DCAF7: variants seen among roughly 807,000 people sequenced by gnomAD.
The protein encoded by DCAF7 is DDB1- and CUL4-associated factor 7.
A neutral mutation model predicts 41.2 loss-of-function variants in DCAF7; 4 were observed. The ratio of observed to expected loss-of-function variants is 0.10; its 90% CI spans 0.05 to 0.22. The LOEUF (loss-of-function observed/expected upper bound fraction) is 0.22. DCAF7 is among the 10% of genes least tolerant of loss of function. The pLI is 1.00. For synonymous variants in DCAF7, 143 were observed against 164.2 expected (o/e 0.87, Z 0.99); for missense variants, 131 against 443.2 (o/e 0.30, Z 6.32).
At chr17:63,586,756 G>A (rs749988732) in intron 6 of DCAF7, among the ~76,000 whole-genome samples, 4 of 148,790 alleles carry the variant, frequency 2.7e-5, no homozygotes, top group Admixed American at 6.7e-5. Context: ...GTGAGACCCC[G>A]TCTCAAAAAA....
chr17:63,577,622 T>A (rs914210943), intron 1 of DCAF7, among the ~76,000 whole-genome samples: 3 of 152,212 alleles, frequency 2.0e-5, no homozygotes, highest in African/African-American at 7.2e-5. Flanking sequence ...AAACGGTCAT[T>A]TGACATACCT....
At chr17:63,577,522 G>C (rs73994318) in intron 1 of DCAF7, among the ~76,000 whole-genome samples, 2,845 of 152,232 alleles carry the variant, frequency 0.019, 76 homozygotes, top group African/African-American at 0.065. Context: ...GGCTAAAATT[G>C]ACTCTAAGAA....
At chr17:63,559,439 G>GTGTGTGTA (rs1555680864) in intron 1 of DCAF7, among the ~76,000 whole-genome samples, 3,780 of 122,092 alleles carry the variant, frequency 0.031, 324 homozygotes, top group African/African-American at 0.12. Flanking sequence ...ATATGTGTGT[G>GTGTGTGTA]TATATATATA....
chr17:63,592,960 C>A lies in DCAF7; in HGVS notation c.*3788C>A. On this transcript the variant is annotated 3_prime_UTR_variant, in exon 7 of 7. Transcript: ENST00000614556. Reference sequence around the variant, plus strand: ...TTCCACTGTTTCTTCCTGCTGCCACCTGGGCCTTGAATTCCTGGGCTGTGA... The same window carrying A: ...TTCCACTGTTTCTTCCTGCTGCCACATGGGCCTTGAATTCCTGGGCTGTGA... 1 of 153,036 alleles carries A rather than the reference C, an allele frequency of 6.5e-6. No homozygotes were observed. Among genetic ancestry groups the A allele is most frequent in the Non-Finnish European group, 1.5e-5 (1 of 68,666 alleles). The allele number at this position is 153,036 out of a possible 1,614,324, so 9.5% of individuals were successfully genotyped here. A position where few individuals can be genotyped will look rare whatever the true frequency, so the allele number is the denominator to read the frequency against.
rs368191256 is a variant in DCAF7, at chr17:63,589,338, G to A, written c.*166G>A. 4 of 899,390 alleles carry A rather than the reference G, an allele frequency of 4.4e-6. No individual in the cohort carries two copies. Among genetic ancestry groups the A allele is most frequent in the Admixed American group, 4.0e-5 (2 of 50,012 alleles). 55.7% of individuals were successfully genotyped at this position (899,390 alleles called of 1,614,324 possible). The stretch of plus-strand genomic sequence containing the variant: ...GGAGTTCCTGGCCAGTCACCCCATC[G>A]CCCTCTGTGGCAGACTCAGTGCTGT... On this transcript the variant is annotated 3_prime_UTR_variant, in exon 7 of 7. Coordinates refer to ENST00000614556, the MANE Select transcript of DCAF7 (RefSeq NM_005828.5).
intron 1 of DCAF7, among the ~76,000 whole-genome samples, chr17:63,563,885 A>G (rs1157212610): frequency 6.6e-6 from 1 of 152,116 alleles, no homozygotes; most frequent in Non-Finnish European, 1.5e-5. Flanking sequence ...AAAACAGTGT[A>G]CAGCACTGGG....
intron 6 of DCAF7, among the ~76,000 whole-genome samples, chr17:63,586,178 C>T (rs7209494): frequency 6.7e-6 from 1 of 148,404 alleles, no homozygotes; most frequent in East Asian, 2.0e-4. Flanking sequence ...TTGGGCCAGG[C>T]ACAGTGTTTC....
At chr17:63,587,378 A>G (rs7215551) in intron 6 of DCAF7, among the ~76,000 whole-genome samples, 45,607 of 151,546 alleles carry the variant, frequency 0.3, 8,775 homozygotes, top group East Asian at 0.62. Context: ...AGAAGCAGAA[A>G]AGAAAGGTGT....
At position 63,590,522 on chromosome 17, in the gene DCAF7, G is replaced by A. The variant is rs2033723387; in HGVS notation, c.*1350G>A. ...TTAGGTTCTGAGCAGTATTGGACTT[G>A]TAGCCTGCAGTTGTCTTTTGACTTG... On this transcript the variant is annotated 3_prime_UTR_variant, in exon 7 of 7. Transcript: ENST00000614556. 6.6e-6 allele frequency: 1 copy of A among 152,670 alleles called. No individual in the cohort carries two copies. Among genetic ancestry groups the A allele is most frequent in the East Asian group, 1.9e-4 (1 of 5,200 alleles). The allele number at this position is 152,670 out of a possible 1,614,324, so 9.5% of individuals were successfully genotyped here. A position where few individuals can be genotyped will look rare whatever the true frequency, so the allele number is the denominator to read the frequency against.
chr17:63,571,533 G>C (rs964912211), intron 1 of DCAF7, among the ~76,000 whole-genome samples: 1 of 150,054 alleles, frequency 6.7e-6, no homozygotes, highest in Non-Finnish European at 1.5e-5. Context: ...TTTTGTGTGT[G>C]GGGGGGCAGT....
At chr17:63,568,248 G>C (rs1266277453) in intron 1 of DCAF7, among the ~76,000 whole-genome samples, 1 of 151,960 alleles carries the variant, frequency 6.6e-6, no homozygotes, top group African/African-American at 2.4e-5. Context: ...TGATCCACCC[G>C]CCTCAGCCTC....
Position 63,550,871 on chromosome 17 carries a change from C to T in DCAF7, c.138+56C>T. ...GGCGGGGAGCGGGCCCCGGGAGCGC[C>T]CTTTCCGGGCCGGAGCCCAGGCCTC... is the stretch of plus-strand genomic sequence containing the variant. On this transcript the variant is annotated intron_variant, in intron 1 of 6. Coordinates refer to ENST00000614556, the MANE Select transcript of DCAF7 (RefSeq NM_005828.5). This position sits in a 1 kb window ranked among gnomAD's most constrained non-coding sequence, Gnocchi z 4.8. The T allele has an allele frequency of 6.3e-7, 1 of 1,577,600 alleles. No individual in the cohort carries two copies. The highest frequency in any genetic ancestry group is 8.6e-7 in the Non-Finnish European group (1 of 1,162,968).
chr17:63,566,227 C>T (rs2033439422), intron 1 of DCAF7, among the ~76,000 whole-genome samples: 1 of 151,752 alleles, frequency 6.6e-6, no homozygotes, highest in African/African-American at 2.4e-5. Context: ...AAAAATTAGC[C>T]GGGCGTGGTG....
chr17:63,553,846 A>C (rs2033283722), intron 1 of DCAF7, among the ~76,000 whole-genome samples: 1 of 152,226 alleles, frequency 6.6e-6, no homozygotes, highest in Non-Finnish European at 1.5e-5. Context: ...CCTTCATGTG[A>C]ATAAATTTGG....
At chr17:63,552,125 G>C (rs893181543) in intron 1 of DCAF7, among the ~76,000 whole-genome samples, 7 of 152,040 alleles carry the variant, frequency 4.6e-5, no homozygotes, top group Admixed American at 2.6e-4. Flanking sequence ...GCTGATGCAG[G>C]GGGGAAGAAA....
intron 6 of DCAF7, among the ~76,000 whole-genome samples, chr17:63,588,751 C>T (rs1166243455): frequency 3.3e-5 from 5 of 152,154 alleles, no homozygotes; most frequent in Non-Finnish European, 7.3e-5. Context: ...CTGGGGACAT[C>T]TGGGAGATGG....
chr17:63,579,988 C>T (rs2033603054), intron 4 of DCAF7, 45 bp downstream of exon 4: 1 of 1,473,686 alleles, frequency 6.8e-7, no homozygotes, highest in Non-Finnish European at 9.4e-7. Context: ...GCTTCCTGTG[C>T]CTTCCGCACA....
intron 5 of DCAF7, 21 bp downstream of exon 5, chr17:63,583,732 A>C (rs748861859): frequency 5.3e-5 from 86 of 1,611,146 alleles, no homozygotes; most frequent in Non-Finnish European, 6.8e-5. Context: ...CTCTCAGGCT[A>C]CCATGGGCCC....
chr17:63,562,669 C>T (rs1237128481), intron 1 of DCAF7, among the ~76,000 whole-genome samples: 1 of 144,982 alleles, frequency 6.9e-6, no homozygotes, highest in Non-Finnish European at 1.5e-5. Context: ...GGTATATCTC[C>T]CAGTGCTATC....
Sources: allele counts gnomAD v4.1 joint callset (sites outside exome capture counted in the v4.1 genomes callset), GRCh38; gene constraint gnomAD v4.1.1; non-coding constraint Gnocchi (gnomAD v3.1); transcripts MANE v1.5; gene names NCBI Gene and HGNC (gene_info 2026-07-23, HGNC 2026-07-21).